SLBP: variants seen among roughly 807,000 people sequenced by gnomAD.
SLBP encodes stem-loop histone mRNA binding protein.
Under a neutral mutation model 39.2 loss-of-function variants are expected in SLBP, and 29 were observed. That is an observed-to-expected ratio of 0.74 (90% CI 0.55 to 1.01). The LOEUF is 1.01. SLBP is among the 50% of genes least tolerant of loss of function. SLBP has a pLI of 0.00. For synonymous variants in SLBP, 129 were observed against 118.7 expected, an observed-to-expected ratio of 1.09 and a Z score of -0.57; for missense variants, 390 against 350.2, an observed-to-expected ratio of 1.11 and a Z score of -0.91.
chr4:1,700,542 T>C (rs1716286490), intron 3 of SLBP, among the ~76,000 whole-genome samples: 1 of 150,020 alleles, frequency 6.7e-6, no homozygotes, highest in South Asian at 2.1e-4. Context: ...CGAGCTACCT[T>C]GAGCTCCAAG....
Position 1,693,699 on chromosome 4 carries a change from G to T in SLBP, c.711C>A (p.Gly237=), listed in dbSNP as rs771523700. The T allele has an allele frequency of 6.2e-7, 1 of 1,609,310 alleles. No individual in the cohort carries two copies. The highest frequency in any genetic ancestry group is 1.1e-5 in the South Asian group (1 of 90,980). The change falls in exon 8 of 8, where the codon GGC becomes GGA. Residue 237 remains glycine (G), a synonymous_variant. Coordinates refer to ENST00000489418, the MANE Select transcript of SLBP (RefSeq NM_006527.4). ...CCATGTGTCTCACCTTGGTGGGTGT[G>T]CCAGAGTACACATCCTGGAAAACAG... ...SSQDDFDVYS[G]TPTKVRHMDS...
intron 2 of SLBP, among the ~76,000 whole-genome samples, chr4:1,709,132 C>T (rs1362141373): frequency 6.6e-6 from 1 of 151,404 alleles, no homozygotes; most frequent in Non-Finnish European, 1.5e-5. Context: ...GGCGTGATCT[C>T]GGCTCACCGC....
chr4:1,711,723 C>T (rs1716780198), intron 2 of SLBP, 151 bp downstream of exon 2: 2 of 412,044 alleles, frequency 4.9e-6, no homozygotes, highest in Admixed American at 4.5e-5. Flanking sequence ...CTGCGGCCGC[C>T]CCAGTCCACG....
chr4:1,702,815 T>G (rs2236995), intron 3 of SLBP, among the ~76,000 whole-genome samples: 67,000 of 152,026 alleles, frequency 0.44, 16,232 homozygotes, highest in East Asian at 0.7. Context: ...TCCTTGTATG[T>G]TGGCATTTCT....
rs777314973 is a variant in SLBP at position 1,696,183 on chromosome 4, G to A, written c.629+19C>T. 16 of 1,571,294 alleles carry A rather than the reference G, an allele frequency of 1.0e-5. No individual in the cohort carries two copies. The highest frequency in any genetic ancestry group is 6.8e-5 in the African/African-American group (5 of 73,038). The stretch of plus-strand genomic sequence containing the variant: ...GACCAATCAGAGAATCACAGGACAA[G>A]AATGCAATAAAGACATACATTTCTT... On this transcript the variant is annotated intron_variant, in intron 6 of 7. Transcript: ENST00000489418.
At chr4:1,709,426 G>GGT (rs1259687088) in intron 2 of SLBP, among the ~76,000 whole-genome samples, 1 of 152,186 alleles carries the variant, frequency 6.6e-6, no homozygotes, top group Non-Finnish European at 1.5e-5. Flanking sequence ...TGTTCAAGAA[G>GGT]AAAGACATTC....
chr4:1,710,922 G>A (rs1443489772), intron 2 of SLBP, among the ~76,000 whole-genome samples: 1 of 151,918 alleles, frequency 6.6e-6, no homozygotes, highest in East Asian at 1.9e-4. Context: ...GCGGTGGCAT[G>A]CGCCTGTAAT....
chr4:1,699,223 T>C (rs1716235332), intron 5 of SLBP, among the ~76,000 whole-genome samples: 1 of 152,226 alleles, frequency 6.6e-6, no homozygotes, highest in Non-Finnish European at 1.5e-5. Flanking sequence ...ATGCCAATTT[T>C]TTTTTCTCCA....
chr4:1,694,291 C>A (rs911042655), intron 7 of SLBP, among the ~76,000 whole-genome samples: 5 of 152,214 alleles, frequency 3.3e-5, no homozygotes, highest in African/African-American at 1.2e-4. Context: ...CTATGTTGGG[C>A]AGGCTGGTCT....
At chr4:1,710,515 CAGAA>C (rs1001076937) in intron 2 of SLBP, among the ~76,000 whole-genome samples, 8 of 152,212 alleles carry the variant, frequency 5.3e-5, no homozygotes, top group South Asian at 4.1e-4. Context: ...CACGAAATTA[CAGAA>C]AGAGTCTGTG....
Position 1,711,869 on chromosome 4 carries a change from C to G in SLBP, c.176+5G>C. On this transcript the variant is annotated splice_donor_5th_base_variant and intron_variant, in intron 2 of 7. Coordinates refer to ENST00000489418, the MANE Select transcript of SLBP (RefSeq NM_006527.4). Reference sequence around the variant, plus strand: ...CGCGCCCCGACCCCCGGGTCCCGCGCCCACCTCTCGGGTCTGCGCTCGGCG... The same window carrying G: ...CGCGCCCCGACCCCCGGGTCCCGCGGCCACCTCTCGGGTCTGCGCTCGGCG... The G allele has an allele frequency of 1.5e-6, 2 of 1,308,432 alleles. No homozygotes were observed. Among genetic ancestry groups the G allele is most frequent in the Non-Finnish European group, 2.0e-6 (2 of 1,025,538 alleles). The allele number at this position is 1,308,432 out of a possible 1,614,324, so 81.1% of individuals were successfully genotyped here.
chr4:1,698,423 A>AC (rs1404007146), intron 5 of SLBP, among the ~76,000 whole-genome samples: 1 of 146,452 alleles, frequency 6.8e-6, no homozygotes, highest in Non-Finnish European at 1.5e-5. Context: ...AAAAAAAAGC[A>AC]CCATCACATT....
chr4:1,700,208 T>C (rs1001275523), intron 3 of SLBP, 138 bp from the exon 4 acceptor site: 15 of 489,708 alleles, frequency 3.1e-5, no homozygotes, highest in African/African-American at 2.8e-4. Context: ...AAGAAATCTT[T>C]GTCAGGTTCA....
At chr4:1,699,477 C>A (rs1290585025) in intron 5 of SLBP, 87 bp downstream of exon 5, 2 of 1,300,170 alleles carry the variant, frequency 1.5e-6, no homozygotes, top group Non-Finnish European at 2.2e-6. Context: ...CTATCCCCAG[C>A]ATCATTTGTA....
At position 1,703,714 on chromosome 4, in the gene SLBP, A is replaced by C. The variant is rs369980820; in HGVS notation, c.177-14T>G. 5.9e-6 allele frequency: 9 copies of C among 1,516,378 alleles called. No homozygotes were observed. Among genetic ancestry groups the C allele is most frequent in the African/African-American group, 4.1e-5 (3 of 72,958 alleles). 93.9% of individuals were successfully genotyped at this position (1,516,378 alleles called of 1,614,324 possible). On this transcript the variant is annotated splice_polypyrimidine_tract_variant and intron_variant, in intron 2 of 7. Transcript: ENST00000489418. ...GGAGTGGTAAAGCTGCAATAAAAGG[A>C]AAATGCTACTGAACCATGACACATA...
chr4:1,696,913 A>G (rs990480238), intron 5 of SLBP, among the ~76,000 whole-genome samples: 1 of 151,100 alleles, frequency 6.6e-6, no homozygotes, highest in African/African-American at 2.4e-5. Context: ...AAAAAAAAAC[A>G]AACGCTGCTG....
At chr4:1,702,000 A>T (rs1255473980) in intron 3 of SLBP, among the ~76,000 whole-genome samples, 6 of 152,232 alleles carry the variant, frequency 3.9e-5, no homozygotes, top group Non-Finnish European at 7.3e-5. Flanking sequence ...CCAAAACAGG[A>T]CAATTTTCAG....
chr4:1,700,187 C>A, intron 3 of SLBP, 117 bp from the exon 4 acceptor site: 1 of 538,124 alleles, frequency 1.9e-6, no homozygotes, highest in South Asian at 3.3e-5. Flanking sequence ...TCCAGAAGCT[C>A]CGTGGGCCAA....
At chr4:1,702,430 A>G (rs959316850) in intron 3 of SLBP, among the ~76,000 whole-genome samples, 2 of 152,202 alleles carry the variant, frequency 1.3e-5, no homozygotes. Flanking sequence ...TATAAATACC[A>G]TCACTGGCTG....
Sources: allele counts gnomAD v4.1 joint callset (sites outside exome capture counted in the v4.1 genomes callset), GRCh38; gene constraint gnomAD v4.1.1; transcripts MANE v1.5; gene names NCBI Gene and HGNC (gene_info 2026-07-23, HGNC 2026-07-21).